Variants in ABCA1 observed in about 807,000 individuals in gnomAD.
ABCA1 encodes the protein ATP binding cassette subfamily A member 1.
In ABCA1, 133 loss-of-function variants were observed where a neutral mutation model predicts 262.5. The observed-to-expected ratio is 0.51, with a 90% CI of 0.44 to 0.59. ABCA1 has a LOEUF of 0.59. Among genes scored for constraint, ABCA1 ranks in the 20% least tolerant of loss-of-function variants. ABCA1 has a pLI of 0.00. For synonymous variants in ABCA1, 1,022 were observed against 1,043.5 expected (o/e 0.98, Z 0.40); for missense variants, 2,452 against 2,777.5 (o/e 0.88, Z 2.63).
At chr9:104,824,355 G>A (rs1377489016) in intron 18 of ABCA1, 110 bp downstream of exon 18, 14 of 1,559,194 alleles carry the variant, frequency 9.0e-6, no homozygotes, top group Middle Eastern at 1.7e-4. Flanking sequence ...CTCTGCCCCT[G>A]GAGTGGTTTC....
intron 11 of ABCA1, among the ~76,000 whole-genome samples, chr9:104,835,003 C>T (rs1303214982): frequency 6.6e-6 from 1 of 152,094 alleles, no homozygotes; most frequent in East Asian, 1.9e-4. Context: ...AATCCCAACA[C>T]TTTGGGAGGC....
chr9:104,798,404 C>T lies in ABCA1; in HGVS notation c.5121+17G>A, dbSNP rs766578923. 12 of 1,613,648 alleles carry T rather than the reference C, an allele frequency of 7.4e-6. No homozygotes were observed. In the African/African-American group the frequency reaches 1.6e-4, roughly 22 times the overall value. ...CCTGACAGACATCAGAAAGATACAG[C>T]AGGCCTGTGTCCTTACCATATCCCA... On this transcript the variant is annotated intron_variant, in intron 37 of 49. Coordinates refer to ENST00000374736, the MANE Select transcript of ABCA1 (RefSeq NM_005502.4).
intron 33 of ABCA1, 110 bp downstream of exon 33, chr9:104,803,174 C>G (rs1830486141): frequency 8.0e-7 from 1 of 1,243,014 alleles, no homozygotes; most frequent in South Asian, 1.2e-5. Flanking sequence ...AGTGAGATGG[C>G]ACCCACAAGT....
chr9:104,914,682 C>T (rs929113419), intron 1 of ABCA1, among the ~76,000 whole-genome samples: 1 of 152,096 alleles, frequency 6.6e-6, no homozygotes, highest in Admixed American at 6.5e-5. Context: ...AATGACGCAG[C>T]GCTCCACAAT....
Position 104,839,743 on chromosome 9 carries a change from C to T in ABCA1, c.1054+536G>A, listed in dbSNP as rs558953150. The stretch of plus-strand genomic sequence containing the variant: ...TTGTAAAAGGATCACCACAATCAAG[C>T]TGTTAATAAATCCATCACCTCATAG... On this transcript the variant is annotated intron_variant, in intron 9 of 49. Coordinates refer to ENST00000374736, the MANE Select transcript of ABCA1 (RefSeq NM_005502.4). Among the ~76,000 whole-genome samples the T allele has an allele frequency of 8.5e-5, 13 of 152,250 alleles. No individual in the cohort carries two copies. The South Asian group carries it at 2.7e-3, about 32-fold the overall frequency.
intron 37 of ABCA1, among the ~76,000 whole-genome samples, chr9:104,797,556 T>C (rs1301341989): frequency 8.4e-6 from 1 of 118,554 alleles, no homozygotes; most frequent in Admixed American, 8.4e-5. Context: ...GGTTAATTCT[T>C]GGCTTTGCTT....
chr9:104,847,296 G>A (rs1834978468), intron 7 of ABCA1, among the ~76,000 whole-genome samples: 1 of 152,124 alleles, frequency 6.6e-6, no homozygotes, highest in Non-Finnish European at 1.5e-5. Flanking sequence ...ATAGAACCCT[G>A]GGCAAATGAC....
intron 49 of ABCA1, 147 bp downstream of exon 49, chr9:104,785,249 G>A (rs1801452333): frequency 5.7e-6 from 6 of 1,058,588 alleles, no homozygotes; most frequent in East Asian, 2.6e-5. Context: ...GTTCAGAGAG[G>A]TTTAGTAAAA....
In ABCA1 at chr9:104,837,472, G is replaced by A. The variant is rs1305122471; in HGVS notation, c.1150C>T (p.Leu384=). The change falls in exon 10 of 50, where the codon CTG becomes TTG. Residue 384 remains leucine (L), a synonymous_variant. Transcript: ENST00000374736. ...GTGGCTGGAGTGTCAGGTGTATACAGGATCTTCCCAACGAGCAGCGGCTTC... is the reference window on the plus strand; with the variant it reads ...GTGGCTGGAGTGTCAGGTGTATACAAGATCTTCCCAACGAGCAGCGGCTTC... The part of the protein sequence containing the change: ...ALKPLLVGKI[L]YTPDTPATRQ... 3.1e-6 allele frequency: 5 copies of A among 1,614,098 alleles called. No individual in the cohort carries two copies. The Admixed American group carries it at 5.0e-5, about 16-fold the overall frequency.
chr9:104,898,673 G>A lies in ABCA1; in HGVS notation c.66+4941C>T, dbSNP rs1049896134. Among the ~76,000 whole-genome samples, 15 of 152,028 alleles carry A rather than the reference G, an allele frequency of 9.9e-5. No individual in the cohort carries two copies. In the South Asian group the frequency reaches 1.0e-3, roughly 11 times the overall value. ...CATGTCTACTACCAACTCATCCCCC[G>A]CCAGTCTTATTCACTCCACCAGTGC... On this transcript the variant is annotated intron_variant, in intron 2 of 49. Transcript: ENST00000374736.
rs138033216 is a variant in ABCA1 at position 104,791,995 on chromosome 9, A to G, written c.5761T>C (p.Tyr1921His). Residue 1921 changes from tyrosine to histidine, a missense_variant, in exon 43 of 50, where the codon TAT becomes CAT. By Grantham distance (83) the Tyr-to-His change is moderately conservative. Coordinates refer to ENST00000374736, the MANE Select transcript of ABCA1 (RefSeq NM_005502.4). The part of the protein sequence containing the change: ...ILEIKELTKI[Y>H]RRKRKPAVDR... ...ACAGCAGGCTTCCGCTTCCTTCTAT[A>G]TATCTGCAACAAACAAAATGTAAAC... 5.5e-5 allele frequency: 89 copies of G among 1,612,858 alleles called. No individual in the cohort carries two copies. Among genetic ancestry groups the G allele is most frequent in the Non-Finnish European group, 7.2e-5 (85 of 1,179,570 alleles).
chr9:104,874,896 G>T (rs553934008), intron 5 of ABCA1, among the ~76,000 whole-genome samples: 1 of 139,662 alleles, frequency 7.2e-6, no homozygotes, highest in East Asian at 2.0e-4. Flanking sequence ...CCGGCCAGCC[G>T]CCCCGTCCGG....
intron 2 of ABCA1, among the ~76,000 whole-genome samples, chr9:104,889,816 T>C (rs1253364357): frequency 2.0e-5 from 3 of 152,198 alleles, no homozygotes; most frequent in African/African-American, 7.2e-5. Flanking sequence ...AATTCACACA[T>C]AGTTCCATAT....
intron 1 of ABCA1, among the ~76,000 whole-genome samples, chr9:104,927,359 C>T (rs976144149): frequency 2.0e-5 from 3 of 152,122 alleles, no homozygotes; most frequent in Non-Finnish European, 2.9e-5. Flanking sequence ...GCAATAGCAC[C>T]ACGGACCGTT....
chr9:104,794,136 C>CAA (rs1829664168), intron 40 of ABCA1, among the ~76,000 whole-genome samples: 3 of 151,474 alleles, frequency 2.0e-5, no homozygotes, highest in Non-Finnish European at 4.4e-5. Context: ...CAAGCAAATG[C>CAA]CACTATTTTC....
chr9:104,861,960 C>T (rs968123192), intron 5 of ABCA1, among the ~76,000 whole-genome samples, 160 bp from the exon 6 acceptor site: 1 of 151,558 alleles, frequency 6.6e-6, no homozygotes, highest in African/African-American at 2.4e-5. Context: ...ATCGCCATAT[C>T]AGGAGAGGCA....
intron 1 of ABCA1, chr9:104,927,702 G>C (rs1367803148): frequency 6.6e-6 from 1 of 151,014 alleles, no homozygotes. Context: ...GATGCTCCCC[G>C]GTCTCCACCG....
chr9:104,806,305 C>T lies in ABCA1; in HGVS notation c.4400G>A (p.Ser1467Asn), dbSNP rs553579368. 26 of 1,614,116 alleles carry T rather than the reference C, an allele frequency of 1.6e-5. No individual in the cohort carries two copies. The South Asian group carries it at 2.9e-4, about 18-fold the overall frequency. The change falls in exon 31 of 50, where the codon AGC becomes AAC. Residue 1467 changes from serine to asparagine, a missense_variant. Ser to Asn is a conservative substitution (Grantham distance 46). Transcript: ENST00000374736. ...AGGCAGCATCTTCTTGATTTTGTCGCTGCTACACTGGCATGCAGGTGAAGG... is the reference window on the plus strand; with the variant it reads ...AGGCAGCATCTTCTTGATTTTGTCGTTGCTACACTGGCATGCAGGTGAAGG... Reference protein sequence around the residue: ...QNPSPACQCSSDKIKKMLPVC... With the variant: ...QNPSPACQCSNDKIKKMLPVC...
rs897881933 is a variant in ABCA1 at position 104,916,965 on chromosome 9, G to A, written c.-93+10970C>T. On this transcript the variant is annotated intron_variant, in intron 1 of 49. Transcript: ENST00000374736. ...TACATCCCAAAGAGCAGAAGAAACCGTAACACTAGACCCCAACATCAAAAA... is the reference window on the plus strand; with the variant it reads ...TACATCCCAAAGAGCAGAAGAAACCATAACACTAGACCCCAACATCAAAAA... Among the ~76,000 whole-genome samples, 31 of 152,260 alleles carry A rather than the reference G, an allele frequency of 2.0e-4. No homozygotes were observed. In the East Asian group the frequency reaches 2.9e-3, roughly 14 times the overall value.
Sources: gnomAD v4.1 joint callset for allele counts (sites outside exome capture counted in the v4.1 genomes callset) on GRCh38, gnomAD v4.1.1 for gene constraint, MANE v1.5 for transcripts, NCBI Gene and HGNC (gene_info 2026-07-23, HGNC 2026-07-21) for gene names.